CD300LB: variants seen among roughly 807,000 people sequenced by gnomAD.
The protein encoded by CD300LB is CMRF35-like molecule 7.
Under a neutral mutation model 20.8 loss-of-function variants are expected in CD300LB, and 18 were observed. The observed-to-expected ratio is 0.87, with a 90% CI of 0.60 to 1.28. The LOEUF is 1.28. CD300LB is among the 50% of genes most tolerant of loss of function. The probability of loss-of-function intolerance (pLI) is 0.00; values close to 1 mark genes in which losing one functional copy is unlikely to be tolerated. For missense variants in CD300LB, 222 were observed against 251.8 expected, an observed-to-expected ratio of 0.88 and a Z score of 0.80; for synonymous variants, 91 against 91.3, an observed-to-expected ratio of 1.00 and a Z score of 0.02.
chr17:74,522,567 G>A lies in CD300LB; in HGVS notation c.*171C>T, dbSNP rs867489536. ...GTGGCTCAGGAGAGGACCTGGCTAA[G>A]TCCCTGAGCTGTGCAGAACAGGGAG... On this transcript the variant is annotated 3_prime_UTR_variant, in exon 4 of 4. Transcript: ENST00000392621. 78 of 1,418,880 alleles carry A rather than the reference G, an allele frequency of 5.5e-5. No homozygotes were observed. In the Middle Eastern group the frequency reaches 1.6e-3, roughly 29 times the overall value. 87.9% of individuals were successfully genotyped at this position (1,418,880 alleles called of 1,614,324 possible).
At position 74,522,585 on chromosome 17, in the gene CD300LB, A is replaced by T; in HGVS notation, c.*153T>A. 1 of 1,457,586 alleles carries T rather than the reference A, an allele frequency of 6.9e-7. No homozygotes were observed. Among genetic ancestry groups the T allele is most frequent in the South Asian group, 1.4e-5 (1 of 71,048 alleles). The allele number at this position is 1,457,586 out of a possible 1,614,324, so 90.3% of individuals were successfully genotyped here. Reference sequence around the variant, plus strand: ...TGGCTAAGTCCCTGAGCTGTGCAGAACAGGGAGGTGCCCACCAGCTCCAAG... The same window carrying T: ...TGGCTAAGTCCCTGAGCTGTGCAGATCAGGGAGGTGCCCACCAGCTCCAAG... On this transcript the variant is annotated 3_prime_UTR_variant, in exon 4 of 4. Transcript: ENST00000392621.
chr17:74,522,685 G>A lies in CD300LB; in HGVS notation c.*53C>T, dbSNP rs746551332. On this transcript the variant is annotated 3_prime_UTR_variant, in exon 4 of 4. Coordinates refer to ENST00000392621, the MANE Select transcript of CD300LB (RefSeq NM_174892.4). Reference sequence around the variant, plus strand: ...CTCGTAGATGTTCCTTCCACAGCCCGAGTCTCTTCTGGAAACGTGGCCAGG... The same window carrying A: ...CTCGTAGATGTTCCTTCCACAGCCCAAGTCTCTTCTGGAAACGTGGCCAGG... The A allele has an allele frequency of 3.2e-5, 52 of 1,605,632 alleles. No homozygotes were observed. Among genetic ancestry groups the A allele is most frequent in the African/African-American group, 4.0e-5 (3 of 74,716 alleles).
rs199976982 is a variant in CD300LB, at chr17:74,525,918, G to A, written c.200C>T (p.Ser67Leu). Reference sequence around the variant, plus strand: ...ACGGTCACTCTTCTCTCCTTGCTCCGACCCTCTGGTTTCAATGAGGATCTT... The same window carrying A: ...ACGGTCACTCTTCTCTCCTTGCTCCAACCCTCTGGTTTCAATGAGGATCTT... ...TCKILIETRG[S>L]EQGEKSDRVS... The change falls in exon 2 of 4, where the codon TCG becomes TTG. Residue 67 changes from serine (S) to leucine (L), a missense_variant. Transcript: ENST00000392621. 2.4e-5 allele frequency: 38 copies of A among 1,613,850 alleles called. No individual in the cohort carries two copies. The highest frequency in any genetic ancestry group is 1.3e-4 in the East Asian group (6 of 44,888).
intron 1 of CD300LB, among the ~76,000 whole-genome samples, chr17:74,526,624 A>G (rs897078894): frequency 2.0e-5 from 3 of 152,166 alleles, no homozygotes; most frequent in African/African-American, 7.2e-5. Flanking sequence ...GAAGCATGAA[A>G]ATTGCTTGAA....
rs1304867665 is a variant in CD300LB, at chr17:74,521,437, G to C, written c.*1301C>G. On this transcript the variant is annotated 3_prime_UTR_variant, in exon 4 of 4. Transcript: ENST00000392621. ...TCTTGGTCCCTCACAGAATGACTCA[G>C]GGGATCTTAGCCGGGCTCGAACTCT... 2 of 985,392 alleles carry C rather than the reference G, an allele frequency of 2.0e-6. No individual in the cohort carries two copies. Among genetic ancestry groups the C allele is most frequent in the African/African-American group, 3.5e-5 (2 of 57,252 alleles). The allele number at this position is 985,392 out of a possible 1,614,324, so 61.0% of individuals were successfully genotyped here.
In CD300LB at chr17:74,523,578, C is replaced by T. The variant is rs759815150; in HGVS notation, c.443+1G>A. The T allele has an allele frequency of 4.7e-5, 76 of 1,606,906 alleles. No individual in the cohort carries two copies. The highest frequency in any genetic ancestry group is 7.7e-6 in the Non-Finnish European group (9 of 1,173,532). On this transcript the variant is annotated splice_donor_variant, in intron 3 of 3. Transcript: ENST00000392621. LOFTEE classifies it high-confidence loss of function. ...GCAGGAGAAAGAACCACATGACTCA[C>T]CTCTTGTGGGAGCCGATGAACACTG... is the stretch of plus-strand genomic sequence containing the variant.
At chr17:74,523,770 G>GA in intron 2 of CD300LB, 119 bp from the exon 3 acceptor site, 2 of 701,004 alleles carry the variant, frequency 2.9e-6, no homozygotes, top group Non-Finnish European at 5.3e-6. Context: ...GGAGTAGGAG[G>GA]ATTTTTCTCT....
chr17:74,525,676 G>T, intron 2 of CD300LB, 72 bp downstream of exon 2: 1 of 1,283,284 alleles, frequency 7.8e-7, no homozygotes, highest in Non-Finnish European at 1.1e-6. Flanking sequence ...CCTTGGAGGG[G>T]AGCAGGTAAG....
Position 74,522,619 on chromosome 17 carries a change from G to A in CD300LB, c.*119C>T, listed in dbSNP as rs1271971635. On this transcript the variant is annotated 3_prime_UTR_variant, in exon 4 of 4. Coordinates refer to ENST00000392621, the MANE Select transcript of CD300LB (RefSeq NM_174892.4). ...TGCCCACCAGCTCCAAGGCCAGGGCGGAGGCCCAGGGCCCCTATCTCAGTC... is the reference window on the plus strand; with the variant it reads ...TGCCCACCAGCTCCAAGGCCAGGGCAGAGGCCCAGGGCCCCTATCTCAGTC... 39 of 1,520,790 alleles carry A rather than the reference G, an allele frequency of 2.6e-5. No individual in the cohort carries two copies. Among genetic ancestry groups the A allele is most frequent in the African/African-American group, 5.5e-5 (4 of 72,406 alleles). 94.2% of individuals were successfully genotyped at this position (1,520,790 alleles called of 1,614,324 possible). A position where few individuals can be genotyped will look rare whatever the true frequency, so the allele number is the denominator to read the frequency against.
At position 74,531,295 on chromosome 17, in the gene CD300LB, C is replaced by A; in HGVS notation, c.40+16G>T. On this transcript the variant is annotated intron_variant, in intron 1 of 3. Transcript: ENST00000392621. Reference sequence around the variant, plus strand: ...CCCCTGTCATACCAAGCGCCCAAGGCCCCAGCCCCACTCACCTGAGAGGCT... The same window carrying A: ...CCCCTGTCATACCAAGCGCCCAAGGACCCAGCCCCACTCACCTGAGAGGCT... 1 of 1,561,028 alleles carries A rather than the reference C, an allele frequency of 6.4e-7. No individual in the cohort carries two copies. Among genetic ancestry groups the A allele is most frequent in the Non-Finnish European group, 8.7e-7 (1 of 1,154,300 alleles).
At chr17:74,525,640 T>TCTC in intron 2 of CD300LB, 108 bp downstream of exon 2, 1 of 925,182 alleles carries the variant, frequency 1.1e-6, no homozygotes, top group Non-Finnish European at 1.7e-6. Flanking sequence ...TCTCTCTCTC[T>TCTC]TAGGCTCACC....
chr17:74,522,921 G>T, intron 3 of CD300LB, 21 bp from the exon 4 acceptor site: 1 of 1,610,260 alleles, frequency 6.2e-7, no homozygotes, highest in Non-Finnish European at 8.5e-7. Flanking sequence ...GGATGCAGTG[G>T]TCAGAGCCCT....
chr17:74,526,171 G>C (rs114878686), intron 1 of CD300LB, 94 bp from the exon 2 acceptor site: 1 of 1,508,368 alleles, frequency 6.6e-7, no homozygotes, highest in African/African-American at 1.4e-5. Flanking sequence ...TGGAGAAACA[G>C]CCTGGAAAAC....
In CD300LB at chr17:74,524,316, C is replaced by T. The variant is rs140824688; in HGVS notation, c.371-665G>A. ...TCAAAGGTCCCAGGCTGTCCAGGCA[C>T]GGTGGTTCACGCCTGTAATCCCAGC... On this transcript the variant is annotated intron_variant, in intron 2 of 3. Transcript: ENST00000392621. Among the ~76,000 whole-genome samples, 772 of 152,276 alleles carry T rather than the reference C, an allele frequency of 5.1e-3. 5 individuals carry two copies. The highest frequency in any genetic ancestry group is 0.018 in the African/African-American group (727 of 41,540).
rs80218968 is a variant in CD300LB, at chr17:74,522,655, G to A, written c.*83C>T. 8.4e-4 allele frequency: 1,318 copies of A among 1,574,330 alleles called. 1 individual carries two copies. Among genetic ancestry groups the A allele is most frequent in the Non-Finnish European group, 1.1e-3 (1,272 of 1,158,956 alleles). On this transcript the variant is annotated 3_prime_UTR_variant, in exon 4 of 4. Transcript: ENST00000392621. Reference sequence around the variant, plus strand: ...GCCCCTATCTCAGTCACTGCATCCCGAGGACTCGTAGATGTTCCTTCCACA... The same window carrying A: ...GCCCCTATCTCAGTCACTGCATCCCAAGGACTCGTAGATGTTCCTTCCACA...
chr17:74,523,004 C>A (rs1028887704), intron 3 of CD300LB, 104 bp from the exon 4 acceptor site: 3 of 1,107,462 alleles, frequency 2.7e-6, no homozygotes, highest in Non-Finnish European at 3.9e-6. Context: ...GACCCTGGGC[C>A]GGGCAGCCCC....
intron 2 of CD300LB, among the ~76,000 whole-genome samples, chr17:74,524,120 C>T (rs1360765473): frequency 6.6e-6 from 1 of 152,156 alleles, no homozygotes; most frequent in African/African-American, 2.4e-5. Flanking sequence ...GGGCACACTC[C>T]AGTTAACTAG....
Position 74,521,662 on chromosome 17 carries a change from A to C in CD300LB, c.*1076T>G, listed in dbSNP as rs1235812943. 7 of 984,808 alleles carry C rather than the reference A, an allele frequency of 7.1e-6. No individual in the cohort carries two copies. The highest frequency in any genetic ancestry group is 3.5e-5 in the African/African-American group (2 of 56,920). The allele number at this position is 984,808 out of a possible 1,614,324, so 61.0% of individuals were successfully genotyped here. On this transcript the variant is annotated 3_prime_UTR_variant, in exon 4 of 4. Coordinates refer to ENST00000392621, the MANE Select transcript of CD300LB (RefSeq NM_174892.4). Reference sequence around the variant, plus strand: ...CCTATTAGAACCAAGAGCAGGTTGGAGGCGTCCTCATGGGTGTTCAAAGGG... The same window carrying C: ...CCTATTAGAACCAAGAGCAGGTTGGCGGCGTCCTCATGGGTGTTCAAAGGG...
chr17:74,523,809 A>G (rs1387236207), intron 2 of CD300LB, among the ~76,000 whole-genome samples, 158 bp from the exon 3 acceptor site: 3 of 152,136 alleles, frequency 2.0e-5, no homozygotes, highest in Non-Finnish European at 4.4e-5. Context: ...GCTTCTACTG[A>G]GTCACTTCAA....
Sources: allele counts gnomAD v4.1 joint callset (sites outside exome capture counted in the v4.1 genomes callset), GRCh38; gene constraint gnomAD v4.1.1; transcripts MANE v1.5; gene names NCBI Gene and HGNC (gene_info 2026-07-23, HGNC 2026-07-21).